The following ADAMTS3 variants were observed in gnomAD, a reference collection of about 807,000 sequenced individuals.
ADAMTS3 encodes the protein A disintegrin and metalloproteinase with thrombospondin motifs 3.
In ADAMTS3, 73 loss-of-function variants were observed where a neutral mutation model predicts 129.0. That is an observed-to-expected ratio of 0.57 (90% CI 0.47 to 0.69). ADAMTS3 has a LOEUF of 0.69. ADAMTS3 is among the 30% of genes least tolerant of loss of function. ADAMTS3 has a pLI of 0.00. For missense variants in ADAMTS3, 1,457 were observed against 1,514.5 expected, an observed-to-expected ratio of 0.96 and a Z score of 0.63; for synonymous variants, 477 against 510.8, an observed-to-expected ratio of 0.93 and a Z score of 0.89.
chr4:72,436,174 C>T (rs112263289), intron 3 of ADAMTS3, among the ~76,000 whole-genome samples: 5,379 of 151,486 alleles, frequency 0.036, 118 homozygotes, highest in Non-Finnish European at 0.048. Flanking sequence ...ATCAAACAAC[C>T]GCATCAAAAA....
At chr4:72,498,685 T>G (rs1719933218) in intron 3 of ADAMTS3, among the ~76,000 whole-genome samples, 1 of 151,626 alleles carries the variant, frequency 6.6e-6, no homozygotes, top group Non-Finnish European at 1.5e-5. Context: ...ACACGTTTAT[T>G]AATATGTGAG....
At chr4:72,456,512 G>T (rs1027931091) in intron 3 of ADAMTS3, among the ~76,000 whole-genome samples, 2 of 149,102 alleles carry the variant, frequency 1.3e-5, no homozygotes, top group African/African-American at 4.9e-5. Context: ...CACCCATGAT[G>T]ATAGTATAAC....
At chr4:72,320,617 T>C in intron 7 of ADAMTS3, 97 bp downstream of exon 7, 1 of 1,262,078 alleles carries the variant, frequency 7.9e-7, no homozygotes, top group Non-Finnish European at 1.1e-6. Context: ...TGGAAAGCAG[T>C]GGTGGAGAGC....
intron 3 of ADAMTS3, among the ~76,000 whole-genome samples, chr4:72,504,151 T>C (rs2110026903): frequency 6.6e-6 from 1 of 152,322 alleles, no homozygotes; most frequent in Non-Finnish European, 1.5e-5. Flanking sequence ...CTGGTTGCTT[T>C]GTAGTTTCTA....
chr4:72,485,659 T>C (rs1719570856), intron 3 of ADAMTS3, among the ~76,000 whole-genome samples: 1 of 152,216 alleles, frequency 6.6e-6, no homozygotes, highest in South Asian at 2.1e-4. Context: ...TCCTGAGTTA[T>C]ATTTGCTGCT....
intron 3 of ADAMTS3, among the ~76,000 whole-genome samples, chr4:72,454,749 G>C (rs923608818): frequency 6.6e-6 from 1 of 151,660 alleles, no homozygotes; most frequent in Non-Finnish European, 1.5e-5. Flanking sequence ...ACAGTGCCCA[G>C]CCTGGAAGTG....
intron 3 of ADAMTS3, among the ~76,000 whole-genome samples, chr4:72,428,956 G>A (rs570996918): frequency 6.6e-6 from 1 of 152,094 alleles, no homozygotes; most frequent in Admixed American, 6.6e-5. Context: ...AAGAAAGTAG[G>A]TCGCAAACTT....
intron 3 of ADAMTS3, among the ~76,000 whole-genome samples, chr4:72,466,163 G>C (rs764584094): frequency 6.6e-6 from 1 of 152,066 alleles, no homozygotes; most frequent in Non-Finnish European, 1.5e-5. Flanking sequence ...ACACTGTGAT[G>C]AACATCTGGG....
At chr4:72,427,256 C>T (rs16847906) in intron 3 of ADAMTS3, among the ~76,000 whole-genome samples, 3,207 of 152,188 alleles carry the variant, frequency 0.021, 142 homozygotes, top group East Asian at 0.2. Flanking sequence ...AGGCTACACT[C>T]CTCCCAATTC....
In ADAMTS3 at chr4:72,282,970, G is replaced by C. The variant is rs990522476; in HGVS notation, c.*166C>G. ...AATGAGTCAATGCAGAACAAAAGGAGGATGAAAGCAACTAGAAAGTGAGCC... is the reference window on the plus strand; with the variant it reads ...AATGAGTCAATGCAGAACAAAAGGACGATGAAAGCAACTAGAAAGTGAGCC... On this transcript the variant is annotated 3_prime_UTR_variant, in exon 22 of 22. Coordinates refer to ENST00000286657, the MANE Select transcript of ADAMTS3 (RefSeq NM_014243.3). The C allele has an allele frequency of 1.7e-6, 1 of 579,402 alleles. No individual in the cohort carries two copies. The highest frequency in any genetic ancestry group is 3.0e-6 in the Non-Finnish European group (1 of 333,424). The allele number at this position is 579,402 out of a possible 1,614,324, so 35.9% of individuals were successfully genotyped here. A position where few individuals can be genotyped will look rare whatever the true frequency, so the allele number is the denominator to read the frequency against.
chr4:72,374,498 A>G (rs1263685584), intron 4 of ADAMTS3, among the ~76,000 whole-genome samples: 2 of 152,196 alleles, frequency 1.3e-5, no homozygotes, highest in East Asian at 1.9e-4. Context: ...GGCAAAAGGA[A>G]GAAGAAAGCT....
intron 3 of ADAMTS3, among the ~76,000 whole-genome samples, chr4:72,530,080 AT>A (rs57902739): frequency 0.025 from 138 of 5,610 alleles, 59 homozygotes; most frequent in African/African-American, 0.14. Flanking sequence ...AACATATTAT[AT>A]TTATATATAA....
chr4:72,382,989 T>G (rs1406154042), intron 4 of ADAMTS3, among the ~76,000 whole-genome samples: 1 of 152,070 alleles, frequency 6.6e-6, no homozygotes, highest in Non-Finnish European at 1.5e-5. Context: ...ACTATACCCA[T>G]GTAACAAACC....
At chr4:72,530,645 TATA>T (rs1193416585) in intron 3 of ADAMTS3, among the ~76,000 whole-genome samples, 15 of 79,258 alleles carry the variant, frequency 1.9e-4, no homozygotes, top group Admixed American at 6.7e-4. Flanking sequence ...ATATATTATA[TATA>T]ATATTATATA....
intron 4 of ADAMTS3, among the ~76,000 whole-genome samples, chr4:72,379,437 GA>G (rs5859315): frequency 0.7 from 92,485 of 132,266 alleles, 31,176 homozygotes; most frequent in African/African-American, 0.75. Flanking sequence ...TAAACAGTTT[GA>G]AAAAAAAAAA....
At chr4:72,518,212 T>C (rs1022508936) in intron 3 of ADAMTS3, among the ~76,000 whole-genome samples, 1 of 152,206 alleles carries the variant, frequency 6.6e-6, no homozygotes, top group Non-Finnish European at 1.5e-5. Context: ...CAGTTTGTTA[T>C]AATTTCTGTT....
At chr4:72,507,755 T>A (rs967004299) in intron 3 of ADAMTS3, among the ~76,000 whole-genome samples, 1 of 152,266 alleles carries the variant, frequency 6.6e-6, no homozygotes, top group South Asian at 2.1e-4. Context: ...CAGATTGTCA[T>A]AAAATCAAGA....
At chr4:72,562,871 A>C (rs1017286186) in intron 2 of ADAMTS3, among the ~76,000 whole-genome samples, 1 of 152,190 alleles carries the variant, frequency 6.6e-6, no homozygotes, top group African/African-American at 2.4e-5. Flanking sequence ...TTCTGATAAT[A>C]GCAATCCTTT....
At chr4:72,458,189 A>G (rs767092328) in intron 3 of ADAMTS3, among the ~76,000 whole-genome samples, 3 of 151,594 alleles carry the variant, frequency 2.0e-5, no homozygotes, top group Non-Finnish European at 3.0e-5. Flanking sequence ...CTAGGACCAT[A>G]TTTTAGATTA....
Sources: allele counts gnomAD v4.1 joint callset (sites outside exome capture counted in the v4.1 genomes callset), GRCh38; gene constraint gnomAD v4.1.1; transcripts MANE v1.5; gene names NCBI Gene and HGNC (gene_info 2026-07-23, HGNC 2026-07-21).